Variants in ACBD6 observed in about 807,000 individuals in gnomAD.
ACBD6 encodes acyl-CoA-binding domain-containing protein 6.
Under a neutral mutation model 37.2 loss-of-function variants are expected in ACBD6, and 28 were observed. The ratio of observed to expected loss-of-function variants is 0.75; its 90% CI spans 0.56 to 1.03. ACBD6 has a LOEUF of 1.03. Among genes scored for constraint, ACBD6 ranks in the 50% least tolerant of loss-of-function variants. ACBD6 has a pLI of 0.00. For missense variants in ACBD6, 340 were observed against 337.4 expected (o/e 1.01, Z -0.06); for synonymous variants, 113 against 126.8 (o/e 0.89, Z 0.73).
intron 3 of ACBD6, among the ~76,000 whole-genome samples, chr1:180,459,511 T>C (rs951799998): frequency 5.9e-5 from 9 of 152,182 alleles, no homozygotes; most frequent in South Asian, 2.1e-4. Context: ...TTTGTGACAA[T>C]TATAGTCCAA....
Position 180,441,179 on chromosome 1 carries a change from T to A in ACBD6, c.385-10917A>T, listed in dbSNP as rs138485317. On this transcript the variant is annotated intron_variant, in intron 3 of 7. Transcript: ENST00000367595. ...GCAGCAATCTAAGACAGTTCCAATG[T>A]CTCTACATCCCTGCCAAAACTTGTT... Among the ~76,000 whole-genome samples, 346 of 152,212 alleles carry A rather than the reference T, an allele frequency of 2.3e-3. 1 individual carries two copies. The highest frequency in any genetic ancestry group is 3.7e-3 in the Non-Finnish European group (254 of 68,016).
At chr1:180,332,030 T>A (rs1651505992) in intron 6 of ACBD6, among the ~76,000 whole-genome samples, 1 of 152,222 alleles carries the variant, frequency 6.6e-6, no homozygotes, top group African/African-American at 2.4e-5. Flanking sequence ...TTCTAACTCC[T>A]TGTACCTCAC....
Position 180,502,173 on chromosome 1 carries a change from G to C in ACBD6, c.94C>G (p.His32Asp). Residue 32 changes from histidine (H) to aspartate (D), a missense_variant, in exon 1 of 8, where the codon CAT (histidine) becomes GAT (aspartate). Coordinates refer to ENST00000367595, the MANE Select transcript of ACBD6 (RefSeq NM_032360.4). ...CTGGTCTCCTCGATCTCAGGGCTATGGGGGAACTCCACCTCCCCGGAGTCG... is the reference window on the plus strand; with the variant it reads ...CTGGTCTCCTCGATCTCAGGGCTATCGGGGAACTCCACCTCCCCGGAGTCG... Reference protein sequence around the residue: ...GDDSGEVEFPHSPEIEETSCL... With the variant: ...GDDSGEVEFPDSPEIEETSCL... The C allele has an allele frequency of 6.2e-7, 1 of 1,614,110 alleles. No homozygotes were observed. Among genetic ancestry groups the C allele is most frequent in the African/African-American group, 1.3e-5 (1 of 75,062 alleles).
At chr1:180,284,179 T>C (rs1278158634), downstream of ACBD6, among the ~76,000 whole-genome samples, 1 of 152,160 alleles carries the variant, frequency 6.6e-6, no homozygotes, top group Non-Finnish European at 1.5e-5. Context: ...AAACACTGGC[T>C]GACAAGCATA....
At chr1:180,316,065 T>C (rs1650785949) in intron 6 of ACBD6, among the ~76,000 whole-genome samples, 1 of 152,098 alleles carries the variant, frequency 6.6e-6, no homozygotes, top group Admixed American at 6.6e-5. Flanking sequence ...ATACAACCTT[T>C]ATCTTGCTCC....
intron 6 of ACBD6, among the ~76,000 whole-genome samples, chr1:180,342,944 A>G (rs2149307122): frequency 6.6e-6 from 1 of 152,104 alleles, no homozygotes; most frequent in South Asian, 2.1e-4. Flanking sequence ...TCAAATGACC[A>G]CACCAGAAAA....
rs563598142 is a variant in ACBD6, at chr1:180,378,924, C to A, written c.663+18592G>T. On this transcript the variant is annotated intron_variant, in intron 6 of 7. Coordinates refer to ENST00000367595, the MANE Select transcript of ACBD6 (RefSeq NM_032360.4). Reference sequence around the variant, plus strand: ...GCCACTGCCCATGTCACACTCATTACCTAGGGGCTCGAGAACACACCCACT... The same window carrying A: ...GCCACTGCCCATGTCACACTCATTAACTAGGGGCTCGAGAACACACCCACT... 7.9e-5 allele frequency among the ~76,000 whole-genome samples: 12 copies of A among 152,242 alleles called. No individual in the cohort carries two copies. The South Asian group carries it at 2.1e-3, about 26-fold the overall frequency.
rs1200523725 is a variant in ACBD6 at position 180,314,718 on chromosome 1, T to C, written c.668A>G (p.Asn223Ser). 2.0e-6 allele frequency: 3 copies of C among 1,533,068 alleles called. No homozygotes were observed. Among genetic ancestry groups the C allele is most frequent in the African/African-American group, 1.4e-5 (1 of 73,238 alleles). The allele number at this position is 1,533,068 out of a possible 1,614,324, so 95.0% of individuals were successfully genotyped here. The change falls in exon 7 of 8, where the codon AAT becomes AGT. Residue 223 changes from asparagine to serine, a missense_variant. By Grantham distance (46) the Asn-to-Ser change is conservative. Transcript: ENST00000367595. ...QHRADINCQD[N>S]EGQTALHYAS... is the part of the protein sequence containing the mutation. ...ATAATGTAGAGCTGTTTGGCCTTCATTGTCCTATAAAAGAAACAAATAATA... is the reference window on the plus strand; with the variant it reads ...ATAATGTAGAGCTGTTTGGCCTTCACTGTCCTATAAAAGAAACAAATAATA...
intron 6 of ACBD6, among the ~76,000 whole-genome samples, chr1:180,318,830 T>G (rs1305023857): frequency 6.6e-6 from 1 of 152,226 alleles, no homozygotes; most frequent in East Asian, 1.9e-4. Flanking sequence ...AGCAGCCCAG[T>G]GTTGGTTTAA....
At chr1:180,415,494 C>T (rs1304932526) in intron 4 of ACBD6, among the ~76,000 whole-genome samples, 1 of 152,030 alleles carries the variant, frequency 6.6e-6, no homozygotes, top group Non-Finnish European at 1.5e-5. Flanking sequence ...CTACTTTCTT[C>T]CAATCCAGTA....
At chr1:180,383,028 A>G (rs988846765) in intron 6 of ACBD6, among the ~76,000 whole-genome samples, 1 of 152,216 alleles carries the variant, frequency 6.6e-6, no homozygotes, top group African/African-American at 2.4e-5. Flanking sequence ...AACTAGGCAT[A>G]GATGGAACAT....
chr1:180,474,176 C>T (rs60923108), intron 3 of ACBD6, among the ~76,000 whole-genome samples: 6,427 of 152,140 alleles, frequency 0.042, 428 homozygotes, highest in African/African-American at 0.14. Flanking sequence ...CTAATATTCA[C>T]TTATACGCAG....
rs981182172 is a variant in ACBD6 at position 180,349,291 on chromosome 1, G to T, written c.664-34569C>A. 2.7e-5 allele frequency among the ~76,000 whole-genome samples: 4 copies of T among 147,640 alleles called. No homozygotes were observed. The East Asian group carries it at 7.9e-4, about 29-fold the overall frequency. On this transcript the variant is annotated intron_variant, in intron 6 of 7. Coordinates refer to ENST00000367595, the MANE Select transcript of ACBD6 (RefSeq NM_032360.4). The stretch of plus-strand genomic sequence containing the variant: ...TCTTTTTTTTTTTTGGAAACGTCTC[G>T]CTCTGTCGCCCAGGCTGGCTCGCGG...
intron 6 of ACBD6, among the ~76,000 whole-genome samples, chr1:180,351,582 G>GTTTTTT (rs59490649): frequency 1.0e-5 from 1 of 97,002 alleles, no homozygotes; most frequent in African/African-American, 3.6e-5. Flanking sequence ...CCGATATTAC[G>GTTTTTT]TTTTTTTTTT....
At chr1:180,321,861 A>G (rs570420018) in intron 6 of ACBD6, among the ~76,000 whole-genome samples, 2 of 152,112 alleles carry the variant, frequency 1.3e-5, no homozygotes, top group East Asian at 3.9e-4. Flanking sequence ...GATGCCCTTT[A>G]TTTCTTTTTC....
chr1:180,277,983 A>C (rs1221344088), intron 9 of ACBD6: 2 of 152,204 alleles, frequency 1.3e-5, no homozygotes, highest in African/African-American at 4.8e-5. Flanking sequence ...GTAAAACAAA[A>C]GACATTCCTA....
intron 6 of ACBD6, among the ~76,000 whole-genome samples, chr1:180,358,359 G>A (rs1053703599): frequency 3.9e-5 from 6 of 151,986 alleles, no homozygotes; most frequent in Non-Finnish European, 5.9e-5. Flanking sequence ...CCCAGGAGGC[G>A]GGGGTTGCGG....
intron 4 of ACBD6, among the ~76,000 whole-genome samples, chr1:180,420,748 A>G (rs1648325458): frequency 6.6e-6 from 1 of 152,330 alleles, no homozygotes; most frequent in South Asian, 2.1e-4. Context: ...CTTATTGTAC[A>G]ACCAAAAGAC....
intron 5 of ACBD6, among the ~76,000 whole-genome samples, chr1:180,404,908 G>C (rs1647549117): frequency 6.6e-6 from 1 of 152,122 alleles, no homozygotes; most frequent in Non-Finnish European, 1.5e-5. Flanking sequence ...TTCTGATTTT[G>C]TATTAAATCT....
Sources: gnomAD v4.1 joint callset for allele counts (sites outside exome capture counted in the v4.1 genomes callset) on GRCh38, gnomAD v4.1.1 for gene constraint, MANE v1.5 for transcripts, NCBI Gene and HGNC (gene_info 2026-07-23, HGNC 2026-07-21) for gene names.